Variants in ANKS1B observed in about 807,000 individuals in gnomAD.
ANKS1B encodes the protein ankyrin repeat and sterile alpha motif domain-containing protein 1B.
Under a neutral mutation model 148.3 loss-of-function variants are expected in ANKS1B, and 36 were observed. That is an observed-to-expected ratio of 0.24 (90% CI 0.19 to 0.32). The LOEUF (loss-of-function observed/expected upper bound fraction) is 0.32. Ranked by LOEUF, ANKS1B falls within the 10% of genes least tolerant of loss-of-function variation. ANKS1B has a pLI of 1.00. For missense variants in ANKS1B, 1,157 were observed against 1,542.6 expected, an observed-to-expected ratio of 0.75 and a Z score of 4.19; for synonymous variants, 542 against 560.8, an observed-to-expected ratio of 0.97 and a Z score of 0.47.
At chr12:99,440,776 C>T (rs1441253292) in intron 11 of ANKS1B, among the ~76,000 whole-genome samples, 1 of 151,814 alleles carries the variant, frequency 6.6e-6, no homozygotes, top group Admixed American at 6.6e-5. Context: ...TCCTTCGTTA[C>T]AATGGATGCT....
chr12:99,232,136 G>T (rs979728011), intron 14 of ANKS1B, among the ~76,000 whole-genome samples: 7 of 152,086 alleles, frequency 4.6e-5, no homozygotes, highest in African/African-American at 1.7e-4. Flanking sequence ...GTATTTTCCA[G>T]CAAATTGTCT....
At chr12:99,453,773 T>C (rs1210003902) in intron 10 of ANKS1B, among the ~76,000 whole-genome samples, 1 of 152,258 alleles carries the variant, frequency 6.6e-6, no homozygotes, top group Admixed American at 6.5e-5. Context: ...TGTGCTACAA[T>C]GGTGCTTAGA....
At chr12:99,850,558 T>C (rs1174485283) in intron 1 of ANKS1B, among the ~76,000 whole-genome samples, 9 of 151,994 alleles carry the variant, frequency 5.9e-5, no homozygotes, top group Admixed American at 5.9e-4. Context: ...TAATTCTAGG[T>C]TTCTACAAAT....
At chr12:98,956,546 C>A (rs1235236466) in intron 17 of ANKS1B, 1 of 151,352 alleles carries the variant, frequency 6.6e-6, no homozygotes, top group Non-Finnish European at 1.5e-5. Context: ...ATTTATTATC[C>A]CCCCCATCCC....
intron 15 of ANKS1B, among the ~76,000 whole-genome samples, chr12:99,102,924 T>C (rs4762557): frequency 0.54 from 82,143 of 151,394 alleles, 23,658 homozygotes; most frequent in East Asian, 0.74. Flanking sequence ...TAGATATGTG[T>C]TTTGAAAACA....
chr12:99,123,204 A>G (rs934110248), intron 15 of ANKS1B, among the ~76,000 whole-genome samples: 11 of 152,072 alleles, frequency 7.2e-5, no homozygotes, highest in Non-Finnish European at 1.5e-5. Flanking sequence ...GAGAACAATG[A>G]AGACAAAGCA....
intron 15 of ANKS1B, among the ~76,000 whole-genome samples, chr12:99,152,578 G>T (rs1601154401): frequency 6.6e-6 from 1 of 152,086 alleles, no homozygotes; most frequent in East Asian, 1.9e-4. Flanking sequence ...TTCAGTTCGA[G>T]GCTTTCAAAA....
At chr12:99,464,586 G>A (rs1409573271) in intron 10 of ANKS1B, among the ~76,000 whole-genome samples, 3 of 152,154 alleles carry the variant, frequency 2.0e-5, no homozygotes, top group Non-Finnish European at 4.4e-5. Flanking sequence ...CCAATACAGA[G>A]AAGTGCTTAA....
chr12:99,007,907 C>T (rs1338628850), intron 17 of ANKS1B, among the ~76,000 whole-genome samples: 4 of 151,866 alleles, frequency 2.6e-5, no homozygotes, highest in African/African-American at 4.8e-5. Flanking sequence ...ATGGGTTCTT[C>T]GAAGTCCCTC....
intron 17 of ANKS1B, among the ~76,000 whole-genome samples, chr12:98,972,137 C>T (rs919977263): frequency 2.6e-5 from 4 of 152,168 alleles, no homozygotes; most frequent in Non-Finnish European, 5.9e-5. Context: ...CACTGCACTC[C>T]AGCCTGGGCA....
At chr12:99,335,709 T>C (rs141053270) in intron 12 of ANKS1B, among the ~76,000 whole-genome samples, 4 of 152,242 alleles carry the variant, frequency 2.6e-5, no homozygotes, top group African/African-American at 7.2e-5. Context: ...TAGTACTCCA[T>C]TGTGTATAAG....
intron 14 of ANKS1B, among the ~76,000 whole-genome samples, chr12:99,195,435 A>G (rs2081274022): frequency 1.3e-5 from 2 of 152,188 alleles, no homozygotes; most frequent in African/African-American, 4.8e-5. Flanking sequence ...AAGCAAAAAC[A>G]CTTCCCAAAA....
chr12:99,478,499 G>A (rs1268490262), intron 10 of ANKS1B, among the ~76,000 whole-genome samples: 1 of 152,006 alleles, frequency 6.6e-6, no homozygotes, highest in African/African-American at 2.4e-5. Context: ...ATGTAAGAAT[G>A]GCTTCTAGGA....
chr12:98,787,776 C>T (rs1184652437), intron 22 of ANKS1B, among the ~76,000 whole-genome samples: 1 of 151,596 alleles, frequency 6.6e-6, no homozygotes, highest in East Asian at 1.9e-4. Flanking sequence ...AATAATTAGC[C>T]GGGCATGGTG....
chr12:98,796,251 AT>A (rs1231463369), intron 22 of ANKS1B, among the ~76,000 whole-genome samples: 1 of 152,210 alleles, frequency 6.6e-6, no homozygotes, highest in African/African-American at 2.4e-5. Flanking sequence ...AGACATTTTC[AT>A]TTTGGCTAAA....
rs548218031 is a variant in ANKS1B at position 99,053,032 on chromosome 12, G to A, written c.2778+125C>T. ...ATGACTCTGGAGCTTGAGAGAGATC[G>A]ATATTTAAAACAGAAGGCATATCTA... On this transcript the variant is annotated intron_variant, in intron 17 of 26. Transcript: ENST00000683438. 638 of 831,652 alleles carry A rather than the reference G, an allele frequency of 7.7e-4. 2 individuals are homozygous for A. The highest frequency in any genetic ancestry group is 1.9e-3 in the South Asian group (66 of 35,078). 51.5% of individuals were successfully genotyped at this position (831,652 alleles called of 1,614,324 possible).
At chr12:99,426,009 A>G (rs377069424) in intron 11 of ANKS1B, among the ~76,000 whole-genome samples, 1 of 152,192 alleles carries the variant, frequency 6.6e-6, no homozygotes, top group Non-Finnish European at 1.5e-5. Flanking sequence ...AAATATTGAC[A>G]GTGTGTGTCT....
Position 98,801,160 on chromosome 12 carries a change from C to G in ANKS1B, c.3142-35G>C. On this transcript the variant is annotated intron_variant, in intron 20 of 26. Coordinates refer to ENST00000683438, the MANE Select transcript of ANKS1B (RefSeq NM_001352186.2). The surrounding 1 kb of genome is among the most constrained non-coding windows in gnomAD (Gnocchi z 5.2). ...ACATTTATTCTAGAGGCAATATGAGCAGTCAGCAAAGTTCATTCCCTGTAG... is the reference window on the plus strand; with the variant it reads ...ACATTTATTCTAGAGGCAATATGAGGAGTCAGCAAAGTTCATTCCCTGTAG... 3 of 1,606,206 alleles carry G rather than the reference C, an allele frequency of 1.9e-6. No individual in the cohort carries two copies. Among genetic ancestry groups the G allele is most frequent in the Non-Finnish European group, 2.6e-6 (3 of 1,175,840 alleles).
intron 17 of ANKS1B, among the ~76,000 whole-genome samples, chr12:98,857,987 A>T (rs977620157): frequency 6.6e-5 from 10 of 152,208 alleles, no homozygotes; most frequent in African/African-American, 2.4e-4. Flanking sequence ...CTTAATGTTA[A>T]AATATTTCAT....
Sources: allele counts gnomAD v4.1 joint callset (sites outside exome capture counted in the v4.1 genomes callset), GRCh38; gene constraint gnomAD v4.1.1; non-coding constraint Gnocchi (gnomAD v3.1); transcripts MANE v1.5; gene names NCBI Gene and HGNC (gene_info 2026-07-23, HGNC 2026-07-21).